Variants in RARB observed in about 807,000 individuals in gnomAD.
RARB encodes HBV-activated protein.
A neutral mutation model predicts 51.9 loss-of-function variants in RARB; 17 were observed. That is an observed-to-expected ratio of 0.33 (90% CI 0.22 to 0.49). The LOEUF (loss-of-function observed/expected upper bound fraction) is 0.49, where lower values mean the gene tolerates loss of function less well. RARB is among the 20% of genes least tolerant of loss of function. The pLI is 0.99. For missense variants in RARB, 369 were observed against 550.8 expected (o/e 0.67, Z 3.30); for synonymous variants, 215 against 195.4 (o/e 1.10, Z -0.84).
At chr3:25,040,171 T>G (rs1350987522) in intron 2 of RARB, among the ~76,000 whole-genome samples, 2 of 152,186 alleles carry the variant, frequency 1.3e-5, no homozygotes, top group Non-Finnish European at 2.9e-5. Context: ...CGAAATGAAG[T>G]GCAAAGTGAA....
chr3:25,147,658 T>A (rs1387904410), intron 4 of RARB, among the ~76,000 whole-genome samples: 1 of 152,206 alleles, frequency 6.6e-6, no homozygotes, highest in East Asian at 1.9e-4. Flanking sequence ...ACCTGACATT[T>A]GTTTGTAAGT....
At chr3:25,235,441 A>T (rs1412380633) in intron 5 of RARB, among the ~76,000 whole-genome samples, 1 of 152,162 alleles carries the variant, frequency 6.6e-6, no homozygotes, top group Non-Finnish European at 1.5e-5. Flanking sequence ...AAACCATAAA[A>T]AAAAGTATCT....
chr3:25,439,926 A>G, intron 1 of RARB, among the ~76,000 whole-genome samples: 1 of 152,104 alleles, frequency 6.6e-6, no homozygotes, highest in East Asian at 1.9e-4. Context: ...ACAGCATGGT[A>G]CCCTGCAGTG....
intron 2 of RARB, among the ~76,000 whole-genome samples, chr3:25,485,630 A>G (rs943146534): frequency 6.6e-6 from 1 of 152,216 alleles, no homozygotes; most frequent in Non-Finnish European, 1.5e-5. Context: ...GCCCATCTGG[A>G]GTCTCCTGCC....
Position 25,131,667 on chromosome 3 carries a change from A to G in RARB, c.-327-494A>G, listed in dbSNP as rs550460107. Among the ~76,000 whole-genome samples, 8 of 152,134 alleles carry G rather than the reference A, an allele frequency of 5.3e-5. No individual in the cohort carries two copies. The South Asian group carries it at 1.7e-3, about 32-fold the overall frequency. ...AAGTCTATGATGGATCCTATTCACC[A>G]TAGGAAATATATCAAGGCGGAGAGA... On this transcript the variant is annotated intron_variant, in intron 3 of 11. Transcript: ENST00000383772.
intron 3 of RARB, among the ~76,000 whole-genome samples, chr3:25,517,410 C>G (rs1194755908): frequency 6.6e-6 from 1 of 152,168 alleles, no homozygotes; most frequent in Non-Finnish European, 1.5e-5. Context: ...CATCTTTAGT[C>G]ATCATGGAAA....
At chr3:25,221,889 T>C (rs1354776889) in intron 5 of RARB, among the ~76,000 whole-genome samples, 4 of 152,180 alleles carry the variant, frequency 2.6e-5, no homozygotes, top group Non-Finnish European at 4.4e-5. Context: ...GGTACAGCAA[T>C]AAATCATATT....
intron 5 of RARB, among the ~76,000 whole-genome samples, chr3:25,253,331 G>A (rs1702776999): frequency 1.3e-5 from 2 of 152,044 alleles, no homozygotes; most frequent in East Asian, 1.9e-4. Flanking sequence ...TACATAACCA[G>A]CATCAACAAG....
rs189024530 is a variant in RARB at position 25,371,891 on chromosome 3, T to C, written c.179-89302T>C. 2.4e-3 allele frequency among the ~76,000 whole-genome samples: 360 copies of C among 148,726 alleles called. 1 individual carries two copies. The highest frequency in any genetic ancestry group is 4.1e-3 in the Non-Finnish European group (274 of 66,924). On this transcript the variant is annotated intron_variant, in intron 5 of 11. Transcript: ENST00000383772. ...TGGTGTGAAAGAAAGTGTAGAGGAG[T>C]GTTGAGGTTGAGTGGTCAGGGAAGG...
intron 2 of RARB, among the ~76,000 whole-genome samples, chr3:25,035,294 G>T (rs1215679879): frequency 6.6e-6 from 1 of 151,808 alleles, no homozygotes; most frequent in Non-Finnish European, 1.5e-5. Flanking sequence ...GATAATTTTT[G>T]TATTTTCTAT....
At chr3:25,453,050 G>C (rs1437000639) in intron 1 of RARB, among the ~76,000 whole-genome samples, 1 of 152,180 alleles carries the variant, frequency 6.6e-6, no homozygotes, top group Non-Finnish European at 1.5e-5. Flanking sequence ...GTAAGGACCT[G>C]TGCAAAGGGC....
chr3:25,409,467 G>T (rs1707500926), intron 5 of RARB, among the ~76,000 whole-genome samples: 1 of 152,092 alleles, frequency 6.6e-6, no homozygotes, highest in African/African-American at 2.4e-5. Context: ...TTCAAAATTT[G>T]TGTTAACTCT....
In RARB at chr3:25,149,584, A is replaced by C. The variant is rs117279483; in HGVS notation, c.-280+17376A>C. 1.1e-4 allele frequency among the ~76,000 whole-genome samples: 16 copies of C among 152,328 alleles called. No homozygotes were observed. In the East Asian group the frequency reaches 3.1e-3, roughly 29 times the overall value. ...CATTTTACTCCAGTGCTGGAATGCA[A>C]GTCATTCAGAGGGAAGACAGAATCA... On this transcript the variant is annotated intron_variant, in intron 4 of 11. Coordinates refer to the RARB transcript ENST00000383772.
rs1404252584 is a variant in RARB at position 24,909,947 on chromosome 3, A to AT, written c.-380+51201dup. On this transcript the variant is annotated intron_variant, in intron 2 of 11. Transcript: ENST00000383772. Reference sequence around the variant, plus strand: ...ACAGTAAAGTGTCGAATTTCTATATATTTTTTCCCAAAACATTTATGCCGC... The same window carrying AT: ...ACAGTAAAGTGTCGAATTTCTATATATTTTTTTCCCAAAACATTTATGCCGC... 3.3e-5 allele frequency among the ~76,000 whole-genome samples: 5 copies of AT among 152,160 alleles called. No homozygotes were observed. The East Asian group carries it at 5.8e-4, about 18-fold the overall frequency.
chr3:25,360,328 T>C (rs1705890874), intron 5 of RARB, among the ~76,000 whole-genome samples: 1 of 152,182 alleles, frequency 6.6e-6, no homozygotes, highest in African/African-American at 2.4e-5. Context: ...ATTTGCTTGG[T>C]AAATCTTCTT....
intron 2 of RARB, chr3:25,059,988 C>A (rs779403909): frequency 4.6e-5 from 7 of 151,636 alleles, no homozygotes; most frequent in Non-Finnish European, 1.0e-4. Context: ...TGTGGGATCC[C>A]TGGCAAGCAT....
chr3:25,161,971 C>G (rs1171250763), intron 4 of RARB, among the ~76,000 whole-genome samples: 1 of 152,164 alleles, frequency 6.6e-6, no homozygotes, highest in Non-Finnish European at 1.5e-5. Context: ...CCAAGACAGA[C>G]AGACACACAA....
chr3:25,528,681 G>C (rs961254792), intron 3 of RARB, among the ~76,000 whole-genome samples: 4 of 151,940 alleles, frequency 2.6e-5, no homozygotes, highest in Admixed American at 2.0e-4. Flanking sequence ...TCCTCTCAAG[G>C]GGCTTCCATG....
Position 25,226,496 on chromosome 3 carries a change from A to G in RARB, c.178+51921A>G, listed in dbSNP as rs1229793997. Reference sequence around the variant, plus strand: ...AAGTATGTATTTTGTTGAGCTTTCTACACACGTTTTCTTGTTTTCTGAGAA... The same window carrying G: ...AAGTATGTATTTTGTTGAGCTTTCTGCACACGTTTTCTTGTTTTCTGAGAA... On this transcript the variant is annotated intron_variant, in intron 5 of 11. Transcript: ENST00000383772. Among the ~76,000 whole-genome samples the G allele has an allele frequency of 3.9e-5, 6 of 152,098 alleles. 1 individual carries two copies. Among genetic ancestry groups the G allele is most frequent in the Admixed American group, 3.9e-4 (6 of 15,256 alleles).
Sources: gnomAD v4.1 joint callset for allele counts (sites outside exome capture counted in the v4.1 genomes callset) on GRCh38, gnomAD v4.1.1 for gene constraint, MANE v1.5 for transcripts, NCBI Gene and HGNC (gene_info 2026-07-23, HGNC 2026-07-21) for gene names.